The following MAGED1 variants were observed in gnomAD, a reference collection of about 807,000 sequenced individuals.
The protein encoded by MAGED1 is melanoma-associated antigen D1.
MAGED1 carries 3 observed loss-of-function variants against 54.1 expected under a neutral mutation model. The ratio of observed to expected loss-of-function variants is 0.06; its 90% CI spans 0.03 to 0.14. MAGED1 has a LOEUF of 0.14. MAGED1 is among the 10% of genes least tolerant of loss of function. MAGED1 has a pLI of 1.00. For synonymous variants in MAGED1, 217 were observed against 227.3 expected (o/e 0.95, Z 0.41); for missense variants, 485 against 623.4 (o/e 0.78, Z 2.36).
intron 7 of MAGED1, 44 bp downstream of exon 7, chrX:51,897,930 CT>C (rs1557364508): frequency 3.8e-6 from 4 of 1,061,384 alleles, no homozygotes; most frequent in Non-Finnish European, 5.2e-6. Flanking sequence ...CTCAGTGGTG[CT>C]TTTTTTCTAG....
intron 1 of MAGED1, among the ~76,000 whole-genome samples, chrX:51,887,375 A>G: frequency 9.0e-6 from 1 of 111,201 alleles, no homozygotes; most frequent in East Asian, 2.8e-4. Context: ...AAGAACCAGA[A>G]TAATACATAA....
rs550791182 is a variant in MAGED1 at position 51,832,824 on chromosome X, T to C, written c.-37+29707T>C. 2.0e-4 allele frequency among the ~76,000 whole-genome samples: 22 copies of C among 111,385 alleles called. No homozygotes were observed. In the South Asian group the frequency reaches 7.7e-3, roughly 39 times the overall value. ...TCAAATGGGATATCAAGGAGATAGG[T>C]AGGAGAATCAGCAGTACTACCAGGG... On this transcript the variant is annotated intron_variant, in intron 1 of 12. Coordinates refer to the MAGED1 transcript ENST00000375772.
chrX:51,817,635 C>T (rs188459953), intron 1 of MAGED1, among the ~76,000 whole-genome samples: 1 of 111,767 alleles, frequency 8.9e-6, no homozygotes, highest in East Asian at 2.8e-4. Flanking sequence ...TTAACTGTAC[C>T]GAGCTTTTTC....
At chrX:51,900,154 A>G in intron 10 of MAGED1, 28 bp from the exon 11 acceptor site, 1 of 966,050 alleles carries the variant, frequency 1.0e-6, no homozygotes. Flanking sequence ...CTGGGTAGGT[A>G]GACACAAAGA....
intron 1 of MAGED1, among the ~76,000 whole-genome samples, chrX:51,861,064 A>AC (rs1927264930): frequency 9.0e-6 from 1 of 110,787 alleles, no homozygotes; most frequent in South Asian, 3.9e-4. Flanking sequence ...TTTGGACCCC[A>AC]CCCCCATGTT....
intron 1 of MAGED1, among the ~76,000 whole-genome samples, chrX:51,828,455 ATGT>A (rs1281900203): frequency 5.4e-5 from 6 of 110,309 alleles, no homozygotes; most frequent in African/African-American, 1.3e-4. Context: ...AGTTTCTGAC[ATGT>A]TGTTTTTTTT....
chrX:51,847,802 C>A (rs1402060670), intron 1 of MAGED1, among the ~76,000 whole-genome samples: 3 of 112,056 alleles, frequency 2.7e-5, no homozygotes, highest in African/African-American at 9.7e-5. Flanking sequence ...GTTTATCTTT[C>A]CATTCCTGAT....
chrX:51,866,219 A>T (rs1927454812), intron 1 of MAGED1, among the ~76,000 whole-genome samples: 1 of 112,070 alleles, frequency 8.9e-6, no homozygotes, highest in African/African-American at 3.2e-5. Context: ...CTTGTCTAAT[A>T]GCTTTGTTTT....
intron 1 of MAGED1, among the ~76,000 whole-genome samples, chrX:51,865,047 T>C (rs1253441788): frequency 3.6e-5 from 4 of 112,533 alleles, no homozygotes; most frequent in African/African-American, 6.4e-5. Context: ...GAGGAAAAGC[T>C]TACAACTTTT....
In MAGED1 at chrX:51,902,165, T is replaced by C. The variant is rs1004388815; in HGVS notation, c.*28T>C. 1 of 315,262 alleles carries C rather than the reference T, an allele frequency of 3.2e-6. No homozygotes were observed. The highest frequency in any genetic ancestry group is 5.5e-6 in the Non-Finnish European group (1 of 182,986). The allele number at this position is 315,262 out of a possible 1,213,427, so 26.0% of individuals were successfully genotyped here. ...TCACAGATATTGCTATCAATCGCAG[T>C]AGTCTTTCCCCTGTGTGAGGCTGAA... On this transcript the variant is annotated 3_prime_UTR_variant, in exon 13 of 13. Transcript: ENST00000326587.
intron 2 of MAGED1, 118 bp downstream of exon 2, chrX:51,894,467 C>T: frequency 2.4e-6 from 2 of 849,361 alleles, no homozygotes; most frequent in African/African-American, 4.0e-5. Flanking sequence ...GACTAGACTC[C>T]GTGGGCTTTT....
intron 1 of MAGED1, among the ~76,000 whole-genome samples, chrX:51,882,031 G>C (rs1336966690): frequency 9.0e-6 from 1 of 111,565 alleles, no homozygotes; most frequent in Non-Finnish European, 1.9e-5. Context: ...TTTGACTGGG[G>C]AATAAGGCAG....
chrX:51,875,724 T>G (rs1415369552), intron 1 of MAGED1, among the ~76,000 whole-genome samples: 1 of 111,367 alleles, frequency 9.0e-6, no homozygotes, highest in Non-Finnish European at 1.9e-5. Context: ...GAGAAAAGCC[T>G]GAGAATAAGA....
intron 1 of MAGED1, among the ~76,000 whole-genome samples, chrX:51,859,860 G>A (rs1333598106): frequency 9.0e-6 from 1 of 111,389 alleles, no homozygotes; most frequent in Non-Finnish European, 1.9e-5. Context: ...AGAACTGCCT[G>A]GGAGGCAGAG....
upstream of MAGED1, among the ~76,000 whole-genome samples, chrX:51,893,259 T>A (rs1186100556): frequency 1.9e-5 from 2 of 107,749 alleles, no homozygotes; most frequent in East Asian, 3.0e-4. Flanking sequence ...GGGGTGGAGA[T>A]GCAAGCCGGC....
rs183858652 is a variant in MAGED1, at chrX:51,881,471, A to G, written c.-36-12798A>G. Among the ~76,000 whole-genome samples the G allele has an allele frequency of 1.5e-4, 16 of 106,521 alleles. No individual in the cohort carries two copies. The East Asian group carries it at 3.8e-3, about 25-fold the overall frequency. 92.5% of individuals were successfully genotyped at this position (106,521 alleles called of 115,157 possible). A position where few individuals can be genotyped will look rare whatever the true frequency, so the allele number is the denominator to read the frequency against. ...GCTCTCGTTGCCCAGGCTGGAGTGC[A>G]ATGGTAAGATCTTGGCTCACTGCAA... On this transcript the variant is annotated intron_variant, in intron 1 of 12. Transcript: ENST00000375772.
At chrX:51,896,370 A>T in intron 3 of MAGED1, 39 bp from the exon 4 acceptor site, 1 of 1,132,702 alleles carries the variant, frequency 8.8e-7, no homozygotes, top group Non-Finnish European at 1.2e-6. Flanking sequence ...GAGGACACAG[A>T]ACCCACTGGT....
rs782719738 is a variant in MAGED1, at chrX:51,803,563, C to T, written c.-37+446C>T. Among the ~76,000 whole-genome samples, 5 of 107,659 alleles carry T rather than the reference C, an allele frequency of 4.6e-5. No individual in the cohort carries two copies. The Admixed American group carries it at 5.0e-4, about 11-fold the overall frequency. 93.5% of individuals were successfully genotyped at this position (107,659 alleles called of 115,157 possible). ...CTGCTGGCCTTTGGTCTTTCCTGTT[C>T]CCCTCCCGCGGAGACCAGTAAATTA... On this transcript the variant is annotated intron_variant, in intron 1 of 12. Transcript: ENST00000375772.
In MAGED1 at chrX:51,898,207, C is replaced by A; in HGVS notation, c.1738+14C>A. 8.3e-7 allele frequency: 1 copy of A among 1,209,156 alleles called. No homozygotes were observed. The highest frequency in any genetic ancestry group is 1.1e-6 in the Non-Finnish European group (1 of 893,242). On this transcript the variant is annotated intron_variant, in intron 8 of 12. Coordinates refer to ENST00000326587, the MANE Select transcript of MAGED1 (RefSeq NM_006986.4). ...GTGCCAGTGAGGGTGAGTGGCTGGA[C>A]CTGCAGCTGGGGGTTGGCCACAGCC...
Sources: gnomAD v4.1 joint callset for allele counts (sites outside exome capture counted in the v4.1 genomes callset) on GRCh38, gnomAD v4.1.1 for gene constraint, MANE v1.5 for transcripts, NCBI Gene and HGNC (gene_info 2026-07-23, HGNC 2026-07-21) for gene names.